Variants in ZNF611 observed in about 807,000 individuals in gnomAD.
ZNF611 encodes zinc finger protein 611.
A neutral mutation model predicts 8.9 loss-of-function variants in ZNF611; 6 were observed. The observed-to-expected ratio is 0.68, with a 90% CI of 0.37 to 1.34. ZNF611 has a LOEUF of 1.34. Among genes scored for constraint, ZNF611 ranks in the 40% most tolerant of loss-of-function variants. ZNF611 has a pLI of 0.02. For missense variants in ZNF611, 874 were observed against 841.3 expected (o/e 1.04, Z -0.48); for synonymous variants, 262 against 279.7 (o/e 0.94, Z 0.63).
In ZNF611 at chr19:52,705,470, T is replaced by C. The variant is rs1600304257; in HGVS notation, c.1585A>G (p.Lys529Glu). Residue 529 changes from lysine to glutamate, a missense_variant, in exon 6 of 6, where the codon AAG becomes GAG. Physicochemically the swap from Lys to Glu is moderately conservative, Grantham distance 56. Coordinates refer to ENST00000652185, the MANE Select transcript of ZNF611 (RefSeq NM_001161499.2). ...FSRKSSLETH[K>E]IGHTGEKPYK... is the part of the protein sequence containing the mutation. ...GGTTTCTCTCCAGTATGACCTATCT[T>C]ATGTGTCTCAAGGCTTGATTTACGA... The C allele has an allele frequency of 1.2e-6, 2 of 1,613,826 alleles. No homozygotes were observed. Among genetic ancestry groups the C allele is most frequent in the Non-Finnish European group, 1.7e-6 (2 of 1,179,958 alleles).
intron 3 of ZNF611, among the ~76,000 whole-genome samples, chr19:52,720,595 CT>C: frequency 7.9e-6 from 1 of 125,856 alleles, no homozygotes; most frequent in African/African-American, 3.1e-5. Flanking sequence ...GACGGGGCAG[CT>C]GCTGGGCAGA....
intron 3 of ZNF611, among the ~76,000 whole-genome samples, chr19:52,722,974 T>C (rs1028224903): frequency 6.2e-5 from 9 of 145,830 alleles, no homozygotes; most frequent in African/African-American, 2.3e-4. Context: ...CTTGAACTCC[T>C]GGATTCAAGC....
intron 5 of ZNF611, among the ~76,000 whole-genome samples, chr19:52,712,457 A>T (rs1320542090): frequency 6.0e-5 from 1 of 16,782 alleles, no homozygotes; most frequent in Non-Finnish European, 1.2e-4. Flanking sequence ...TGTCTCTACT[A>T]AAAAAAAAAA....
chr19:52,705,113 TC>T lies in ZNF611; in HGVS notation c.1941del (p.Lys648AsnfsTer77). The stretch of plus-strand genomic sequence containing the variant: ...TCACAAATTGTACATTTGTAAGATT[TC>T]TCTCCAGTATGAAGTCTACGATGGT... ...LIYHRRLHTG[E>X]KSYKCTICDK... On this transcript the variant is annotated frameshift_variant, in exon 6 of 6. Transcript: ENST00000652185. LOFTEE classifies it low-confidence loss of function (END_TRUNC). 1 of 1,614,142 alleles carries T rather than the reference TC, an allele frequency of 6.2e-7. No homozygotes were observed. The highest frequency in any genetic ancestry group is 8.5e-7 in the Non-Finnish European group (1 of 1,180,030).
At chr19:52,710,445 G>C (rs1389504822) in intron 5 of ZNF611, among the ~76,000 whole-genome samples, 12 of 152,106 alleles carry the variant, frequency 7.9e-5, no homozygotes, top group Non-Finnish European at 1.8e-4. Flanking sequence ...GGCCAGGCTG[G>C]TCTAGAACTT....
At chr19:52,732,811 G>A (rs769531163) in intron 1 of ZNF611, among the ~76,000 whole-genome samples, 2 of 151,718 alleles carry the variant, frequency 1.3e-5, no homozygotes, top group Non-Finnish European at 1.5e-5. Flanking sequence ...AAAACTAGCC[G>A]GGCTTGGTGG....
intron 5 of ZNF611, among the ~76,000 whole-genome samples, chr19:52,713,428 G>T (rs2062293435): frequency 6.6e-6 from 1 of 152,130 alleles, no homozygotes; most frequent in African/African-American, 2.4e-5. Context: ...AATGTGACAT[G>T]AACAAGAGTT....
chr19:52,717,886 T>A (rs960778405), intron 3 of ZNF611, among the ~76,000 whole-genome samples: 5 of 152,128 alleles, frequency 3.3e-5, no homozygotes, highest in African/African-American at 1.2e-4. Flanking sequence ...AAATTATATA[T>A]CACGTAGTAG....
intron 1 of ZNF611, among the ~76,000 whole-genome samples, chr19:52,734,121 T>A (rs2062441900): frequency 1.2e-5 from 1 of 80,502 alleles, no homozygotes; most frequent in African/African-American, 6.1e-5. Context: ...ATCCTTCATC[T>A]CTCTGTACAT....
At chr19:52,722,110 C>T (rs1170188167) in intron 3 of ZNF611, among the ~76,000 whole-genome samples, 1 of 151,598 alleles carries the variant, frequency 6.6e-6, no homozygotes, top group African/African-American at 2.4e-5. Flanking sequence ...CCCTATAATC[C>T]CAGTACATTG....
intron 1 of ZNF611, among the ~76,000 whole-genome samples, chr19:52,730,886 G>C (rs2062421960): frequency 6.6e-6 from 1 of 151,960 alleles, no homozygotes. Flanking sequence ...ACACAGCCAA[G>C]ACTACTGCTT....
At chr19:52,731,538 ATT>A (rs879477919) in intron 1 of ZNF611, among the ~76,000 whole-genome samples, 1 of 139,074 alleles carries the variant, frequency 7.2e-6, no homozygotes, top group Non-Finnish European at 1.6e-5. Context: ...TAATTTTTGT[ATT>A]TTTTTTTTTG....
chr19:52,712,762 T>C (rs1156347490), intron 5 of ZNF611, among the ~76,000 whole-genome samples: 1 of 152,154 alleles, frequency 6.6e-6, no homozygotes, highest in Middle Eastern at 3.2e-3. Context: ...CTGGGATTAC[T>C]GGCATGTGCG....
chr19:52,706,631 G>A lies in ZNF611; in HGVS notation c.424C>T (p.His142Tyr). ...TTGTTTCCAGCATGCCTGTGATCAT[G>A]TTGGTCTGTGCTACCAGTCAACTTT... ...IKKLTGSTDQ[H>Y]DHRHAGNKPI... The change falls in exon 6 of 6, where the codon CAT becomes TAT. Residue 142 changes from histidine (H) to tyrosine (Y), a missense_variant. His to Tyr is a moderately conservative substitution (Grantham distance 83). Transcript: ENST00000652185. 3 of 1,614,102 alleles carry A rather than the reference G, an allele frequency of 1.9e-6. No homozygotes were observed. The highest frequency in any genetic ancestry group is 2.5e-6 in the Non-Finnish European group (3 of 1,179,972).
At chr19:52,712,070 G>C (rs1334453219) in intron 5 of ZNF611, among the ~76,000 whole-genome samples, 1 of 152,266 alleles carries the variant, frequency 6.6e-6, no homozygotes, top group African/African-American at 2.4e-5. Context: ...CAAGGGACAA[G>C]AATGAAAGAG....
rs567807519 is a variant in ZNF611, at chr19:52,725,802, C to T, written c.-20+2928G>A. On this transcript the variant is annotated intron_variant, in intron 3 of 5. Coordinates refer to ENST00000652185, the MANE Select transcript of ZNF611 (RefSeq NM_001161499.2). ...ACAGAAGCCAGTCCCGGGTGGGGCC[C>T]CCGAACATGGTGGCGGGGCCTGGGT... Among the ~76,000 whole-genome samples, 815 of 152,254 alleles carry T rather than the reference C, an allele frequency of 5.4e-3. 10 individuals are homozygous for T. The highest frequency in any genetic ancestry group is 0.019 in the African/African-American group (778 of 41,554).
chr19:52,733,350 C>T (rs901690045), intron 1 of ZNF611, among the ~76,000 whole-genome samples: 1 of 152,132 alleles, frequency 6.6e-6, no homozygotes, highest in East Asian at 1.9e-4. Flanking sequence ...GACCAGGCTG[C>T]AGTGTAGTCA....
chr19:52,715,710 G>C (rs2062312054), intron 4 of ZNF611, 122 bp downstream of exon 4: 3 of 1,473,132 alleles, frequency 2.0e-6, no homozygotes, highest in Middle Eastern at 1.8e-4. Flanking sequence ...GGGCAGGCAT[G>C]GGTGAGTGCG....
chr19:52,734,537 G>GT (rs1491384169), intron 1 of ZNF611, among the ~76,000 whole-genome samples: 3 of 5,236 alleles, frequency 5.7e-4, no homozygotes, highest in East Asian at 1.2e-3. Flanking sequence ...GGTGCGGGGC[G>GT]GGGGGGGGGG....
Sources: allele counts gnomAD v4.1 joint callset (sites outside exome capture counted in the v4.1 genomes callset), GRCh38; gene constraint gnomAD v4.1.1; transcripts MANE v1.5; gene names NCBI Gene and HGNC (gene_info 2026-07-23, HGNC 2026-07-21).